ALK: variants seen among roughly 807,000 people sequenced by gnomAD.
ALK encodes ALK tyrosine kinase receptor.
Under a neutral mutation model 163.1 loss-of-function variants are expected in ALK, and 74 were observed. The ratio of observed to expected loss-of-function variants is 0.45; its 90% CI spans 0.38 to 0.55. The LOEUF is 0.55. Among genes scored for constraint, ALK ranks in the 20% least tolerant of loss-of-function variants. The probability of loss-of-function intolerance (pLI) is 0.00; values close to 1 mark genes in which losing one functional copy is unlikely to be tolerated. For missense variants in ALK, 2,063 were observed against 2,105.3 expected (o/e 0.98, Z 0.39); for synonymous variants, 960 against 843.2 (o/e 1.14, Z -2.40).
At chr2:29,763,160 T>C (rs531815365) in intron 1 of ALK, among the ~76,000 whole-genome samples, 1 of 151,940 alleles carries the variant, frequency 6.6e-6, no homozygotes, top group East Asian at 1.9e-4. Flanking sequence ...CACCACTTTC[T>C]AGCTGTGTGA....
At chr2:29,698,004 C>T (rs943893839) in intron 2 of ALK, among the ~76,000 whole-genome samples, 1 of 152,226 alleles carries the variant, frequency 6.6e-6, no homozygotes, top group Admixed American at 6.5e-5. Flanking sequence ...AAAAATCCTT[C>T]AATTACACTT....
At chr2:29,214,160 G>T in intron 23 of ALK, 79 bp from the exon 24 acceptor site, 1 of 1,254,932 alleles carries the variant, frequency 8.0e-7, no homozygotes, top group Non-Finnish European at 1.2e-6. Flanking sequence ...GGCTTCCAGT[G>T]CTCACAAGGA....
At chr2:29,527,058 G>A (rs1178933545) in intron 4 of ALK, among the ~76,000 whole-genome samples, 1 of 152,188 alleles carries the variant, frequency 6.6e-6, no homozygotes, top group Non-Finnish European at 1.5e-5. Context: ...AGGATAGGTT[G>A]CTGGCATTGC....
chr2:29,197,760 A>G (rs2148143846), intron 26 of ALK, 84 bp from the exon 27 acceptor site: 1 of 1,208,806 alleles, frequency 8.3e-7, no homozygotes, highest in Non-Finnish European at 1.2e-6. Context: ...CAGACATACA[A>G]TTTCAACCTT....
At position 29,598,825 on chromosome 2, in the gene ALK, T is replaced by C. The variant is rs1024579275; in HGVS notation, c.953-66709A>G. Among the ~76,000 whole-genome samples, 68 of 152,300 alleles carry C rather than the reference T, an allele frequency of 4.5e-4. 1 individual carries two copies. The highest frequency in any genetic ancestry group is 1.6e-3 in the African/African-American group (65 of 41,554). On this transcript the variant is annotated intron_variant, in intron 3 of 28. Transcript: ENST00000389048. Reference sequence around the variant, plus strand: ...TTTGATGAATATTCTATAATGGGCATGAATTGCTTTTATGACTGAGAGAAA... The same window carrying C: ...TTTGATGAATATTCTATAATGGGCACGAATTGCTTTTATGACTGAGAGAAA...
chr2:29,861,859 C>T (rs1666301086), intron 1 of ALK, among the ~76,000 whole-genome samples: 1 of 152,106 alleles, frequency 6.6e-6, no homozygotes. Context: ...TATCCTTGAA[C>T]ACAGATGCAA....
At chr2:29,356,188 C>T (rs1383714983) in intron 5 of ALK, among the ~76,000 whole-genome samples, 1 of 152,188 alleles carries the variant, frequency 6.6e-6, no homozygotes, top group Admixed American at 6.5e-5. Flanking sequence ...GCAATAATAG[C>T]TGACGTTTCC....
At chr2:29,399,190 A>C (rs182199381) in intron 4 of ALK, among the ~76,000 whole-genome samples, 2 of 152,332 alleles carry the variant, frequency 1.3e-5, no homozygotes, top group Non-Finnish European at 2.9e-5. Context: ...AGGAGCTCTA[A>C]GAGGTAGGAA....
At chr2:29,402,214 G>C (rs1669464870) in intron 4 of ALK, among the ~76,000 whole-genome samples, 1 of 152,242 alleles carries the variant, frequency 6.6e-6, no homozygotes, top group African/African-American at 2.4e-5. Flanking sequence ...AGCTGCTCTG[G>C]GTCAGATTGT....
chr2:29,356,118 T>A (rs1668239682), intron 5 of ALK, among the ~76,000 whole-genome samples: 1 of 152,180 alleles, frequency 6.6e-6, no homozygotes, highest in Admixed American at 6.5e-5. Flanking sequence ...ATGGGTGGAA[T>A]CTGAAGGCCC....
At chr2:29,338,358 C>G (rs1006842310) in intron 5 of ALK, among the ~76,000 whole-genome samples, 7 of 152,194 alleles carry the variant, frequency 4.6e-5, no homozygotes, top group Non-Finnish European at 8.8e-5. Flanking sequence ...CTTTTTGGTC[C>G]TAATCTTACC....
At chr2:29,260,694 G>T (rs1050253810) in intron 11 of ALK, among the ~76,000 whole-genome samples, 10 of 151,806 alleles carry the variant, frequency 6.6e-5, no homozygotes, top group African/African-American at 2.2e-4. Flanking sequence ...TATTAGCCAG[G>T]TATGGTGGTG....
chr2:29,805,512 G>C (rs1664586943), intron 1 of ALK, among the ~76,000 whole-genome samples: 1 of 152,102 alleles, frequency 6.6e-6, no homozygotes, highest in African/African-American at 2.4e-5. Flanking sequence ...CTCCCAGACA[G>C]GCCCCAGTGT....
rs35764149 is a variant in ALK at position 29,560,902 on chromosome 2, AT to A, written c.953-28787del. Among the ~76,000 whole-genome samples the A allele has an allele frequency of 9.7e-3, 1,426 of 146,524 alleles. 14 individuals carry two copies. The highest frequency in any genetic ancestry group is 0.02 in the African/African-American group (792 of 40,230). ...CTGTAAAATTTACTAAAAATTATTG[AT>A]TTTTTTTTTTTACCTAAAACAAGTA... On this transcript the variant is annotated intron_variant, in intron 3 of 28. Transcript: ENST00000389048.
chr2:29,707,768 G>A (rs1017203382), intron 2 of ALK, among the ~76,000 whole-genome samples: 5 of 152,182 alleles, frequency 3.3e-5, no homozygotes, highest in East Asian at 1.9e-4. Flanking sequence ...TAGAGCAAAT[G>A]GAGCCATGCC....
chr2:29,660,189 G>C (rs550640082), intron 3 of ALK, among the ~76,000 whole-genome samples: 11 of 152,102 alleles, frequency 7.2e-5, no homozygotes, highest in Non-Finnish European at 1.5e-4. Flanking sequence ...GGTTCCTCTT[G>C]GGCCCAGGGC....
intron 1 of ALK, among the ~76,000 whole-genome samples, chr2:29,872,974 GAC>G (rs1388936944): frequency 6.6e-6 from 1 of 152,314 alleles, no homozygotes; most frequent in African/African-American, 2.4e-5. Flanking sequence ...TGGTTTAAGA[GAC>G]ACACAACATC....
At chr2:29,552,557 G>A (rs1039208986) in intron 3 of ALK, among the ~76,000 whole-genome samples, 8 of 152,242 alleles carry the variant, frequency 5.3e-5, no homozygotes, top group East Asian at 1.9e-4. Context: ...TAATGGATGC[G>A]AAGTGGTATC....
chr2:29,518,625 T>G (rs1294972767), intron 4 of ALK, among the ~76,000 whole-genome samples: 1 of 152,178 alleles, frequency 6.6e-6, no homozygotes, highest in African/African-American at 2.4e-5. Context: ...TCCAGATCAC[T>G]GAAGAACAAG....
Sources: gnomAD v4.1 joint callset for allele counts (sites outside exome capture counted in the v4.1 genomes callset) on GRCh38, gnomAD v4.1.1 for gene constraint, MANE v1.5 for transcripts, NCBI Gene and HGNC (gene_info 2026-07-23, HGNC 2026-07-21) for gene names.